PI4KA: variants seen among roughly 807,000 people sequenced by gnomAD.
The protein encoded by PI4KA is phosphatidylinositol 4-kinase alpha.
In PI4KA, 122 loss-of-function variants were observed where a neutral mutation model predicts 271.4. The ratio of observed to expected loss-of-function variants is 0.45; its 90% confidence interval spans 0.39 to 0.52. PI4KA has a LOEUF of 0.52. PI4KA is among the 20% of genes least tolerant of loss of function. The pLI is 0.00. For synonymous variants in PI4KA, 1,041 were observed against 1,078.8 expected (o/e 0.96, Z 0.69); for missense variants, 1,969 against 2,769.1 (o/e 0.71, Z 6.48).
chr22:20,779,279 T>G, intron 19 of PI4KA: 1 of 1,613,548 alleles, frequency 6.2e-7, no homozygotes, highest in Non-Finnish European at 8.5e-7. Context: ...TTTCACTGTG[T>G]TCTGTTTTCC....
intron 7 of PI4KA, among the ~76,000 whole-genome samples, chr22:20,818,068 T>C (rs1379591427): frequency 7.4e-6 from 1 of 134,658 alleles, no homozygotes; most frequent in Non-Finnish European, 1.6e-5. Context: ...GGGCCTGCAG[T>C]GAGCCGAGAC....
chr22:20,786,878 A>C, intron 19 of PI4KA: 1 of 1,614,174 alleles, frequency 6.2e-7, no homozygotes, highest in Non-Finnish European at 8.5e-7. Flanking sequence ...CAAACAGTTC[A>C]AGCACCAAGG....
At chr22:20,844,448 T>C (rs1487817497) in intron 1 of PI4KA, among the ~76,000 whole-genome samples, 1 of 152,236 alleles carries the variant, frequency 6.6e-6, no homozygotes, top group African/African-American at 2.4e-5. Flanking sequence ...GAGGGACGGA[T>C]GGAAGAACTC....
chr22:20,723,826 CAATA>C (rs1290275804), intron 42 of PI4KA, among the ~76,000 whole-genome samples: 1 of 150,952 alleles, frequency 6.6e-6, no homozygotes, highest in Non-Finnish European at 1.5e-5. Flanking sequence ...GACTCTATCT[CAATA>C]AATAAATAAA....
intron 2 of PI4KA, 149 bp from the exon 3 acceptor site, chr22:20,834,804 C>A (rs1924651492): frequency 1.6e-6 from 1 of 609,480 alleles, no homozygotes; most frequent in South Asian, 2.1e-5. Context: ...CATGTAAATT[C>A]ACATGGCATC....
chr22:20,798,385 C>T (rs73162817), intron 17 of PI4KA, 199 bp downstream of exon 17: 15,704 of 559,196 alleles, frequency 0.028, 302 homozygotes, highest in Non-Finnish European at 0.039. Flanking sequence ...GCTGAGACCT[C>T]GTGCGCTGAG....
intron 42 of PI4KA, chr22:20,726,188 T>C (rs533525042): frequency 3.2e-6 from 1 of 313,054 alleles, no homozygotes; most frequent in African/African-American, 2.2e-5. Flanking sequence ...GATTCAGGGA[T>C]TTGAGGGGAC....
chr22:20,785,067 CTTTT>C (rs1555894632), intron 19 of PI4KA, among the ~76,000 whole-genome samples: 4 of 134,434 alleles, frequency 3.0e-5, no homozygotes, highest in Admixed American at 7.6e-5. Context: ...GGGACTGCAT[CTTTT>C]TTTTTTTTTT....
chr22:20,858,789 A>C lies in PI4KA; in HGVS notation c.-64T>G. On this transcript the variant is annotated 5_prime_UTR_variant, in exon 1 of 55. Transcript: ENST00000255882. ...TCCTGGCCCGCGAGCGCCCGACCTC[A>C]GGGCGCAGGCGTAGGTGCATCCGGC... 1 of 1,364,526 alleles carries C rather than the reference A, an allele frequency of 7.3e-7. No individual in the cohort carries two copies. The highest frequency in any genetic ancestry group is 9.5e-7 in the Non-Finnish European group (1 of 1,054,926). The allele number at this position is 1,364,526 out of a possible 1,614,324, so 84.5% of individuals were successfully genotyped here.
At chr22:20,751,822 C>G in intron 25 of PI4KA, 67 bp from the exon 26 acceptor site, 1 of 1,383,502 alleles carries the variant, frequency 7.2e-7, no homozygotes, top group Non-Finnish European at 1.0e-6. Flanking sequence ...TCTAGGAGCC[C>G]CCTCAGCTGC....
intron 29 of PI4KA, among the ~76,000 whole-genome samples, chr22:20,747,005 T>C (rs946150167): frequency 6.6e-6 from 1 of 152,156 alleles, no homozygotes; most frequent in Non-Finnish European, 1.5e-5. Flanking sequence ...AGGCTCTAGA[T>C]TCACATTAAC....
intron 32 of PI4KA, among the ~76,000 whole-genome samples, chr22:20,739,817 C>T (rs1601377671): frequency 6.6e-6 from 1 of 152,098 alleles, no homozygotes; most frequent in South Asian, 2.1e-4. Flanking sequence ...AATCCCAGCA[C>T]TTTGGGAGGC....
chr22:20,798,113 A>C (rs923694289), intron 17 of PI4KA, among the ~76,000 whole-genome samples: 1 of 152,146 alleles, frequency 6.6e-6, no homozygotes, highest in African/African-American at 2.4e-5. Flanking sequence ...AATCTAACCC[A>C]CAGAAAGCAT....
intron 17 of PI4KA, among the ~76,000 whole-genome samples, chr22:20,796,919 G>A (rs2147576390): frequency 6.6e-6 from 1 of 152,324 alleles, no homozygotes; most frequent in African/African-American, 2.4e-5. Flanking sequence ...AAACCACTGA[G>A]GCCAACCAGG....
At chr22:20,811,685 T>C (rs1270106871) in intron 8 of PI4KA, among the ~76,000 whole-genome samples, 2 of 147,148 alleles carry the variant, frequency 1.4e-5, no homozygotes, top group African/African-American at 2.5e-5. Context: ...TAGATAATGA[T>C]AAACATCCTA....
intron 32 of PI4KA, among the ~76,000 whole-genome samples, chr22:20,739,619 G>GA (rs1005236869): frequency 1.4e-4 from 19 of 134,650 alleles, no homozygotes; most frequent in African/African-American, 5.0e-4. Context: ...AAGATAAAAA[G>GA]AAACTGACCC....
At chr22:20,770,052 A>G (rs1932800647) in intron 19 of PI4KA, among the ~76,000 whole-genome samples, 1 of 152,144 alleles carries the variant, frequency 6.6e-6, no homozygotes, top group South Asian at 2.1e-4. Flanking sequence ...GTGTATGTAT[A>G]CATATTTTTT....
rs537241097 is a variant in PI4KA, at chr22:20,772,390, G to A, written c.2329-6697C>T. On this transcript the variant is annotated intron_variant, in intron 19 of 54. Transcript: ENST00000255882. ...TGAGAACAAGACAGAGAATGAGGGA[G>A]GTGGGCCCACGAGGAGTGTGGGCAC... is the stretch of plus-strand genomic sequence containing the variant. Among the ~76,000 whole-genome samples, 3 of 152,340 alleles carry A rather than the reference G, an allele frequency of 2.0e-5. No individual in the cohort carries two copies. The South Asian group carries it at 6.2e-4, about 32-fold the overall frequency.
At chr22:20,819,522 C>A (rs770498807) in intron 6 of PI4KA, 119 bp downstream of exon 6, 12 of 934,070 alleles carry the variant, frequency 1.3e-5, no homozygotes, top group Middle Eastern at 3.5e-4. Context: ...AAAGAGAATT[C>A]TAGTGAAACA....
Sources: gnomAD v4.1 joint callset for allele counts (sites outside exome capture counted in the v4.1 genomes callset) on GRCh38, gnomAD v4.1.1 for gene constraint, MANE v1.5 for transcripts, NCBI Gene and HGNC (gene_info 2026-07-23, HGNC 2026-07-21) for gene names.